DLGAP2: variants seen among roughly 807,000 people sequenced by gnomAD.
DLGAP2 encodes disks large-associated protein 2.
In DLGAP2, 26 loss-of-function variants were observed where a neutral mutation model predicts 100.3. That is an observed-to-expected ratio of 0.26 (90% CI 0.19 to 0.36). The LOEUF (loss-of-function observed/expected upper bound fraction) is 0.36, where lower values mean the gene tolerates loss of function less well. Among genes scored for constraint, DLGAP2 ranks in the 10% least tolerant of loss-of-function variants. The probability of loss-of-function intolerance (pLI) is 1.00; values close to 1 mark genes in which losing one functional copy is unlikely to be tolerated. For synonymous variants in DLGAP2, 886 were observed against 630.1 expected, an observed-to-expected ratio of 1.41 and a Z score of -6.08; for missense variants, 1,858 against 1,453.2, an observed-to-expected ratio of 1.28 and a Z score of -4.53.
intron 6 of DLGAP2, among the ~76,000 whole-genome samples, chr8:1,595,193 A>G (rs1160557991): frequency 6.6e-6 from 1 of 152,108 alleles, no homozygotes; most frequent in Non-Finnish European, 1.5e-5. Flanking sequence ...GGCACCTGCC[A>G]TCACACCTGG....
At chr8:1,297,062 C>T (rs1303286781) in intron 3 of DLGAP2, 1 of 152,300 alleles carries the variant, frequency 6.6e-6, no homozygotes, top group Non-Finnish European at 1.5e-5. Flanking sequence ...AGAGCAGGTT[C>T]CCAGCACAGA....
intron 6 of DLGAP2, among the ~76,000 whole-genome samples, chr8:1,574,593 G>C (rs1352141144): frequency 6.6e-6 from 1 of 152,170 alleles, no homozygotes; most frequent in African/African-American, 2.4e-5. Context: ...CATCGAGCAA[G>C]CACATTTATT....
intron 2 of DLGAP2, among the ~76,000 whole-genome samples, chr8:925,247 A>G (rs1195195214): frequency 1.3e-5 from 2 of 152,190 alleles, no homozygotes; most frequent in Non-Finnish European, 2.9e-5. Flanking sequence ...CTGGGACGAC[A>G]GGTGCACACC....
intron 1 of DLGAP2, among the ~76,000 whole-genome samples, chr8:831,486 A>T (rs1321855090): frequency 6.6e-6 from 1 of 152,010 alleles, no homozygotes; most frequent in South Asian, 2.1e-4. Flanking sequence ...TGTCCTTGTG[A>T]TAGTTTGCTG....
chr8:869,881 T>G (rs1797565442), intron 1 of DLGAP2, among the ~76,000 whole-genome samples: 1 of 152,032 alleles, frequency 6.6e-6, no homozygotes, highest in Non-Finnish European at 1.5e-5. Context: ...AAGGACACAT[T>G]CTGAGCAGCG....
intron 2 of DLGAP2, among the ~76,000 whole-genome samples, chr8:1,005,584 A>T (rs1339079396): frequency 1.4e-5 from 2 of 145,068 alleles, no homozygotes; most frequent in East Asian, 2.1e-4. Flanking sequence ...TGCCCAGCTA[A>T]TTTTTTTTTT....
At chr8:813,629 A>G (rs1796411733) in intron 1 of DLGAP2, among the ~76,000 whole-genome samples, 1 of 152,190 alleles carries the variant, frequency 6.6e-6, no homozygotes, top group Admixed American at 6.5e-5. Context: ...GAGGGCCTAG[A>G]CACTCGCTGA....
chr8:1,476,856 C>T (rs1178046112), intron 3 of DLGAP2, among the ~76,000 whole-genome samples: 2 of 151,504 alleles, frequency 1.3e-5, no homozygotes, highest in East Asian at 1.9e-4. Context: ...CAGACCCACC[C>T]GTGATGGCCG....
At chr8:1,012,172 G>GTTC (rs1308596725) in intron 2 of DLGAP2, among the ~76,000 whole-genome samples, 1 of 152,166 alleles carries the variant, frequency 6.6e-6, no homozygotes, top group Non-Finnish European at 1.5e-5. Context: ...TCTCCTTGAA[G>GTTC]TTCTGCCTTT....
At chr8:1,116,002 C>G (rs1000305247) in intron 2 of DLGAP2, among the ~76,000 whole-genome samples, 4 of 152,216 alleles carry the variant, frequency 2.6e-5, no homozygotes, top group African/African-American at 9.6e-5. Context: ...CAGCAGACAG[C>G]ACCGTGGGAG....
intron 2 of DLGAP2, among the ~76,000 whole-genome samples, chr8:978,576 C>T (rs1235664592): frequency 1.5e-3 from 202 of 131,718 alleles, no homozygotes; most frequent in African/African-American, 5.3e-3. Flanking sequence ...GTGGGGAGGG[C>T]GTCGGGGATG....
At chr8:961,131 C>T (rs950784405) in intron 2 of DLGAP2, among the ~76,000 whole-genome samples, 4 of 152,202 alleles carry the variant, frequency 2.6e-5, no homozygotes, top group African/African-American at 9.6e-5. Context: ...CTGATCTGTG[C>T]ACATAGATGC....
intron 1 of DLGAP2, among the ~76,000 whole-genome samples, chr8:861,498 G>C (rs1797390303): frequency 6.6e-6 from 1 of 152,184 alleles, no homozygotes; most frequent in Non-Finnish European, 1.5e-5. Flanking sequence ...TGGATCCGTA[G>C]CTCCTGTCGT....
At chr8:741,260 C>G (rs1820475321) in intron 1 of DLGAP2, among the ~76,000 whole-genome samples, 1 of 152,200 alleles carries the variant, frequency 6.6e-6, no homozygotes, top group Non-Finnish European at 1.5e-5. Context: ...TGTGCAAACT[C>G]TAGTTTAAAT....
intron 6 of DLGAP2, among the ~76,000 whole-genome samples, chr8:1,596,480 C>G (rs1796462939): frequency 6.6e-6 from 1 of 152,178 alleles, no homozygotes; most frequent in African/African-American, 2.4e-5. Flanking sequence ...CTAACTTATA[C>G]TCCCACCAAC....
At chr8:1,108,543 A>G (rs12548003) in intron 2 of DLGAP2, among the ~76,000 whole-genome samples, 13,915 of 148,768 alleles carry the variant, frequency 0.094, 570 homozygotes, top group East Asian at 0.18. Flanking sequence ...TGAGGTGTGC[A>G]TGTGCCTATG....
At chr8:1,111,021 C>G (rs1335307237) in intron 2 of DLGAP2, among the ~76,000 whole-genome samples, 9 of 152,162 alleles carry the variant, frequency 5.9e-5, no homozygotes, top group Non-Finnish European at 1.0e-4. Flanking sequence ...TCTCCTTGTG[C>G]TTGCTGGAAC....
At chr8:1,627,286 T>C (rs533521802) in intron 7 of DLGAP2, among the ~76,000 whole-genome samples, 1 of 152,244 alleles carries the variant, frequency 6.6e-6, no homozygotes, top group South Asian at 2.1e-4. Context: ...GAAAGTCCTG[T>C]GAGAGGATAG....
chr8:903,983 G>A (rs899974755), intron 1 of DLGAP2, among the ~76,000 whole-genome samples: 2 of 152,212 alleles, frequency 1.3e-5, no homozygotes, highest in African/African-American at 2.4e-5. Context: ...AGGCGTGGCC[G>A]GGCCTGGGCC....
Sources: allele counts gnomAD v4.1 joint callset (sites outside exome capture counted in the v4.1 genomes callset), GRCh38; gene constraint gnomAD v4.1.1; transcripts MANE v1.5; gene names NCBI Gene and HGNC (gene_info 2026-07-23, HGNC 2026-07-21).